CWF19L2: variants seen among roughly 807,000 people sequenced by gnomAD.
The protein encoded by CWF19L2 is CWF19-like protein 2.
CWF19L2 carries 98 observed loss-of-function variants against 111.7 expected under a neutral mutation model. That is an observed-to-expected ratio of 0.88 (90% CI 0.75 to 1.04). The LOEUF (loss-of-function observed/expected upper bound fraction) is 1.04, where lower values mean the gene tolerates loss of function less well. CWF19L2 is among the 50% of genes least tolerant of loss of function. CWF19L2 has a pLI of 0.00. For synonymous variants in CWF19L2, 351 were observed against 342.9 expected (o/e 1.02, Z -0.26); for missense variants, 1,101 against 1,051.4 (o/e 1.05, Z -0.65).
In CWF19L2 at chr11:107,368,027, A is replaced by C. The variant is rs1860457005; in HGVS notation, c.1873-14291T>G. Among the ~76,000 whole-genome samples the C allele has an allele frequency of 2.2e-5, 3 of 136,466 alleles. 1 individual carries two copies. Among genetic ancestry groups the C allele is most frequent in the African/African-American group, 8.8e-5 (3 of 34,082 alleles). The allele number at this position is 136,466 out of a possible 152,430, so 89.5% of individuals were successfully genotyped here. ...AAAAATAACAAATGAAAAATAATCT[A>C]ATGTGACACCTCAAGAAACTAGAGA... On this transcript the variant is annotated intron_variant, in intron 12 of 17. Coordinates refer to ENST00000282251, the MANE Select transcript of CWF19L2 (RefSeq NM_152434.3).
At chr11:107,372,963 G>A (rs1042681349) in intron 12 of CWF19L2, among the ~76,000 whole-genome samples, 1 of 108,186 alleles carries the variant, frequency 9.2e-6, no homozygotes, top group Admixed American at 8.6e-5. Context: ...CACTTGGGAA[G>A]TGCAAGGGGT....
chr11:107,352,756 C>T (rs551411471), intron 13 of CWF19L2, among the ~76,000 whole-genome samples: 36 of 152,112 alleles, frequency 2.4e-4, no homozygotes, highest in Non-Finnish European at 5.0e-4. Context: ...ATGTAACCAC[C>T]TCAACAACCT....
chr11:107,442,815 G>GGAGGGAGC, intron 4 of CWF19L2, 124 bp downstream of exon 4: 1 of 434,694 alleles, frequency 2.3e-6, no homozygotes, highest in South Asian at 2.5e-5. Flanking sequence ...AGGGAGGGAG[G>GGAGGGAGC]GAGGGGGAGG....
intron 14 of CWF19L2, among the ~76,000 whole-genome samples, chr11:107,342,466 T>G (rs1043648001): frequency 6.6e-6 from 1 of 152,156 alleles, no homozygotes; most frequent in Non-Finnish European, 1.5e-5. Context: ...TGGGAATTTT[T>G]TGATTATCTT....
rs150189532 is a variant in CWF19L2, at chr11:107,455,518, G to GGTA, written c.216+147_216+148insTAC. ...ATTACAATATCTTACCTCTGCCAAA[G>GGTA]AGATGAAACTATTCAGCAATGCCAA... is the stretch of plus-strand genomic sequence containing the variant. On this transcript the variant is annotated intron_variant, in intron 2 of 17. Transcript: ENST00000282251. The GGTA allele has an allele frequency of 3.8e-3, 1,931 of 506,326 alleles. 26 individuals carry two copies. The highest frequency in any genetic ancestry group is 0.035 in the African/African-American group (1,736 of 50,222). 31.4% of individuals were successfully genotyped at this position (506,326 alleles called of 1,614,324 possible).
intron 4 of CWF19L2, 147 bp downstream of exon 4, chr11:107,442,792 A>AAGGAAGGAAGGGAGGG (rs1491211289): frequency 1.4e-4 from 22 of 162,382 alleles, no homozygotes; most frequent in Admixed American, 5.1e-4. Flanking sequence ...GGAAGGAAGG[A>AAGGAAGGAAGGGAGGG]AGGGAGGGAG....
intron 14 of CWF19L2, among the ~76,000 whole-genome samples, chr11:107,346,845 G>C (rs931512651): frequency 6.6e-6 from 1 of 152,112 alleles, no homozygotes. Context: ...ACACTGGCAA[G>C]TGGGCTTAGA....
chr11:107,407,482 G>A (rs1861096062), intron 10 of CWF19L2, among the ~76,000 whole-genome samples: 1 of 151,644 alleles, frequency 6.6e-6, no homozygotes, highest in Non-Finnish European at 1.5e-5. Flanking sequence ...CTACTGAACA[G>A]TATAAGGACT....
chr11:107,358,280 T>C lies in CWF19L2; in HGVS notation c.1873-4544A>G, dbSNP rs992287220. ...AATCTTTTGGCTTCCCTGGGCCACA[T>C]TGGAAGAAGAACCATCTTGGGCCCC... On this transcript the variant is annotated intron_variant, in intron 12 of 17. Coordinates refer to ENST00000282251, the MANE Select transcript of CWF19L2 (RefSeq NM_152434.3). Among the ~76,000 whole-genome samples the C allele has an allele frequency of 1.1e-4, 17 of 151,234 alleles. No individual in the cohort carries two copies. In the South Asian group the frequency reaches 1.5e-3, roughly 13 times the overall value.
intron 12 of CWF19L2, among the ~76,000 whole-genome samples, chr11:107,378,220 G>T (rs1463302141): frequency 3.4e-5 from 5 of 148,662 alleles, no homozygotes; most frequent in African/African-American, 1.0e-4. Context: ...GATTCCTCGG[G>T]GATCTACAAC....
intron 12 of CWF19L2, among the ~76,000 whole-genome samples, chr11:107,373,394 G>A (rs1286002202): frequency 3.0e-5 from 4 of 135,270 alleles, no homozygotes; most frequent in South Asian, 2.5e-4. Context: ...GAAGACAGCA[G>A]TGGTTCTCCC....
intron 6 of CWF19L2, among the ~76,000 whole-genome samples, chr11:107,435,756 G>A (rs510528): frequency 0.17 from 26,297 of 151,532 alleles, 2,463 homozygotes; most frequent in Middle Eastern, 0.27. Flanking sequence ...TTTAAAAAGC[G>A]AATAAAAAAT....
intron 10 of CWF19L2, among the ~76,000 whole-genome samples, chr11:107,403,191 A>C (rs756701101): frequency 4.6e-5 from 7 of 151,666 alleles, no homozygotes; most frequent in Non-Finnish European, 1.0e-4. Flanking sequence ...AAATCTCACA[A>C]ATCATCACTA....
rs866238230 is a variant in CWF19L2 at position 107,332,789 on chromosome 11, T to G, written c.2439+2092A>C. 5.0e-4 allele frequency among the ~76,000 whole-genome samples: 76 copies of G among 152,256 alleles called. No individual in the cohort carries two copies. The Middle Eastern group carries it at 0.01, about 20-fold the overall frequency. On this transcript the variant is annotated intron_variant, in intron 16 of 17. Coordinates refer to ENST00000282251, the MANE Select transcript of CWF19L2 (RefSeq NM_152434.3). ...GAATTTTTCTTATACTTATGTACTC[T>G]TCTCATTCTTACTTCCATCCACATA...
chr11:107,329,331 A>G (rs970056544), intron 17 of CWF19L2, among the ~76,000 whole-genome samples: 6 of 148,432 alleles, frequency 4.0e-5, no homozygotes, highest in African/African-American at 1.2e-4. Context: ...CTGTATGCTA[A>G]TATCTGCCCA....
intron 5 of CWF19L2, 103 bp downstream of exon 5, chr11:107,441,400 A>T: frequency 1.0e-6 from 1 of 1,004,566 alleles, no homozygotes; most frequent in African/African-American, 1.7e-5. Flanking sequence ...AATACTATAA[A>T]AAATAAAATG....
chr11:107,359,384 T>TAC (rs1860288458), intron 12 of CWF19L2, among the ~76,000 whole-genome samples: 1 of 152,192 alleles, frequency 6.6e-6, no homozygotes. Flanking sequence ...AAGATGTAAT[T>TAC]ACAAGTACCA....
At chr11:107,399,825 G>C (rs1860975066) in intron 10 of CWF19L2, among the ~76,000 whole-genome samples, 1 of 152,032 alleles carries the variant, frequency 6.6e-6, no homozygotes, top group Non-Finnish European at 1.5e-5. Flanking sequence ...GCCATAAAAT[G>C]AGCCTAGATA....
intron 14 of CWF19L2, among the ~76,000 whole-genome samples, chr11:107,346,696 C>T (rs1208525743): frequency 1.3e-5 from 2 of 152,130 alleles, no homozygotes; most frequent in African/African-American, 4.8e-5. Context: ...AAAGGTAAAA[C>T]AAGGTAGCTG....
Sources: allele counts gnomAD v4.1 joint callset (sites outside exome capture counted in the v4.1 genomes callset), GRCh38; gene constraint gnomAD v4.1.1; transcripts MANE v1.5; gene names NCBI Gene and HGNC (gene_info 2026-07-23, HGNC 2026-07-21).